Variants in C1orf141 observed in about 807,000 individuals in gnomAD.
The protein encoded by C1orf141 is chromosome 1 open reading frame 141.
In C1orf141, 19 loss-of-function variants were observed where a neutral mutation model predicts 23.2. The observed-to-expected ratio is 0.82, with a 90% confidence interval of 0.57 to 1.20. The LOEUF (loss-of-function observed/expected upper bound fraction) is 1.20, where lower values mean the gene tolerates loss of function less well. Ranked by LOEUF, C1orf141 falls within the 50% of genes most tolerant of loss-of-function variation. The pLI is 0.00. For synonymous variants in C1orf141, 153 were observed against 154.6 expected (o/e 0.99, Z 0.08); for missense variants, 469 against 455.1 (o/e 1.03, Z -0.28).
chr1:67,114,067 C>A (rs1646136448), intron 5 of C1orf141, among the ~76,000 whole-genome samples: 1 of 152,076 alleles, frequency 6.6e-6, no homozygotes, highest in Non-Finnish European at 1.5e-5. Flanking sequence ...AAAAAGCTGA[C>A]CAAAGGTCCA....
At chr1:67,137,380 C>G (rs1646594872), upstream of C1orf141, among the ~76,000 whole-genome samples, 1 of 152,200 alleles carries the variant, frequency 6.6e-6, no homozygotes, top group Non-Finnish European at 1.5e-5. Context: ...GGACAGGTTA[C>G]TCCCTAGCAT....
chr1:67,116,999 G>T (rs916153009), intron 4 of C1orf141, among the ~76,000 whole-genome samples: 92 of 152,056 alleles, frequency 6.1e-4, no homozygotes, highest in African/African-American at 2.2e-3. Context: ...TGTTTATTTA[G>T]TTTATTATCT....
intron 4 of C1orf141, among the ~76,000 whole-genome samples, chr1:67,124,597 G>GTGTTA (rs1646367857): frequency 6.6e-6 from 1 of 152,170 alleles, no homozygotes; most frequent in Non-Finnish European, 1.5e-5. Flanking sequence ...AGGATTACAG[G>GTGTTA]CGTGAGCCAC....
intron 5 of C1orf141, among the ~76,000 whole-genome samples, chr1:67,107,452 A>AT (rs781256169): frequency 3.5e-4 from 53 of 152,218 alleles, no homozygotes; most frequent in Non-Finnish European, 6.8e-4. Context: ...GTCAGAATAG[A>AT]TTTTTTAAAA....
chr1:67,127,150 C>T lies in C1orf141; in HGVS notation c.75+16G>A. 1 of 1,568,638 alleles carries T rather than the reference C, an allele frequency of 6.4e-7. No individual in the cohort carries two copies. The highest frequency in any genetic ancestry group is 8.7e-7 in the Non-Finnish European group (1 of 1,148,652). On this transcript the variant is annotated intron_variant, in intron 3 of 7. Coordinates refer to ENST00000684719, the MANE Select transcript of C1orf141 (RefSeq NM_001276351.2). ...TGTTAATGATTAAACTGAATTGTAG[C>T]TTATACGTCACAAACCTTTGTTCTT...
chr1:67,093,326 A>G lies in C1orf141; in HGVS notation c.882T>C (p.Asp294=). 2 of 1,613,806 alleles carry G rather than the reference A, an allele frequency of 1.2e-6. No individual in the cohort carries two copies. Among genetic ancestry groups the G allele is most frequent in the Non-Finnish European group, 1.7e-6 (2 of 1,179,770 alleles). ...TATTAGTTTTCTTCTTTAGTTTATC[A>G]TCTACAGTTGTGTGGCCCGCTTTAA... ...MSFKAGHTTV[D]DKLKKKTNKQ... Residue 294 remains aspartate, a synonymous_variant, in exon 8 of 8, where the codon GAT becomes GAC. Coordinates refer to ENST00000684719, the MANE Select transcript of C1orf141 (RefSeq NM_001276351.2).
At chr1:67,128,535 C>G (rs1646461108) in intron 2 of C1orf141, among the ~76,000 whole-genome samples, 1 of 151,948 alleles carries the variant, frequency 6.6e-6, no homozygotes, top group Non-Finnish European at 1.5e-5. Context: ...GAAACCCTGT[C>G]TCTACTAAAA....
chr1:67,118,530 A>G (rs985953527), intron 4 of C1orf141, among the ~76,000 whole-genome samples: 1 of 152,188 alleles, frequency 6.6e-6, no homozygotes, highest in Non-Finnish European at 1.5e-5. Context: ...TAAGCAAGTA[A>G]AGTAGACACC....
intron 7 of C1orf141, chr1:67,094,940 GGTA>G: frequency 4.1e-6 from 1 of 242,172 alleles, no homozygotes; most frequent in Non-Finnish European, 7.9e-6. Context: ...CTGCTAGATT[GGTA>G]CAGCCATTTT....
chr1:67,110,875 T>C (rs1646053701), intron 5 of C1orf141, among the ~76,000 whole-genome samples: 2 of 149,610 alleles, frequency 1.3e-5, no homozygotes, highest in South Asian at 4.2e-4. Flanking sequence ...AAATTTGTTA[T>C]TAATTATGGC....
At chr1:67,114,482 G>A (rs1646148153) in intron 5 of C1orf141, among the ~76,000 whole-genome samples, 1 of 152,098 alleles carries the variant, frequency 6.6e-6, no homozygotes, top group Non-Finnish European at 1.5e-5. Flanking sequence ...GAGAAATCAA[G>A]TTATGAAGCA....
At position 67,127,214 on chromosome 1, in the gene C1orf141, C is replaced by A; in HGVS notation, c.27G>T (p.Leu9Phe). The A allele has an allele frequency of 6.2e-7, 1 of 1,608,746 alleles. No homozygotes were observed. The highest frequency in any genetic ancestry group is 8.5e-7 in the Non-Finnish European group (1 of 1,177,986). Residue 9 changes from leucine to phenylalanine, a missense_variant, in exon 3 of 8, where the codon TTG becomes TTT. Transcript: ENST00000684719. ...TCTCTGCTTGCTTATCAAGGACATC[C>A]AACTTCTCTAGGATTTTTTCTGCCA... The part of the protein sequence containing the change: MAEKILEK[L>F]DVLDKQAEII...
intron 5 of C1orf141, 63 bp from the exon 6 acceptor site, chr1:67,096,384 T>C: frequency 1.2e-6 from 1 of 826,420 alleles, no homozygotes; most frequent in Non-Finnish European, 2.0e-6. Flanking sequence ...GAAAATATCT[T>C]GCACAAAATA....
At chr1:67,128,365 ATTTATTTATTTATTTATTT>A (rs1646457115) in intron 2 of C1orf141, among the ~76,000 whole-genome samples, 14 of 2,022 alleles carry the variant, frequency 6.9e-3, no homozygotes, top group African/African-American at 0.062. Flanking sequence ...TTATTTATTT[ATTTATTTATTTATTTATTT>A]ATTTATTTAT....
chr1:67,103,400 T>C (rs950583806), intron 5 of C1orf141: 1 of 1,342,164 alleles, frequency 7.5e-7, no homozygotes, highest in Non-Finnish European at 9.7e-7. Flanking sequence ...TCAGGAAAAA[T>C]GGAAAATTAT....
rs1294582852 is a variant in C1orf141 at position 67,092,695 on chromosome 1, C to T, written c.*310G>A. On this transcript the variant is annotated 3_prime_UTR_variant, in exon 8 of 8. Transcript: ENST00000684719. ...CCAACAGCGCATTTCCAGAGTCAGA[C>T]TATGCCTTTCTTGGTCCTGAATCAG... The T allele has an allele frequency of 1.9e-5, 3 of 156,296 alleles. No homozygotes were observed. Among genetic ancestry groups the T allele is most frequent in the Admixed American group, 1.9e-4 (3 of 15,886 alleles). 9.7% of individuals were successfully genotyped at this position (156,296 alleles called of 1,614,324 possible). A position where few individuals can be genotyped will look rare whatever the true frequency, so the allele number is the denominator to read the frequency against.
intron 1 of C1orf141, among the ~76,000 whole-genome samples, chr1:67,132,644 A>G (rs1218601348): frequency 6.6e-6 from 1 of 152,234 alleles, no homozygotes; most frequent in East Asian, 1.9e-4. Context: ...TTTTACATCT[A>G]ACGGGGATTT....
intron 4 of C1orf141, chr1:67,123,222 TAA>T (rs1646336534): frequency 6.8e-6 from 1 of 147,290 alleles, no homozygotes; most frequent in African/African-American, 2.5e-5. Flanking sequence ...AAAAAATAAA[TAA>T]AAATAAAAGT....
chr1:67,115,056 A>G (rs1441434740), intron 5 of C1orf141, among the ~76,000 whole-genome samples: 2 of 152,242 alleles, frequency 1.3e-5, no homozygotes, highest in East Asian at 3.8e-4. Flanking sequence ...AAAAACAATA[A>G]CAAGGAAATT....
Sources: allele counts gnomAD v4.1 joint callset (sites outside exome capture counted in the v4.1 genomes callset), GRCh38; gene constraint gnomAD v4.1.1; transcripts MANE v1.5; gene names NCBI Gene and HGNC (gene_info 2026-07-23, HGNC 2026-07-21).